Variants in SDK1 observed in about 807,000 individuals in gnomAD.
The protein encoded by SDK1 is sidekick cell adhesion molecule 1.
A neutral mutation model predicts 245.5 loss-of-function variants in SDK1; 157 were observed. That is an observed-to-expected ratio of 0.64 (90% CI 0.56 to 0.73). SDK1 has a LOEUF of 0.73. SDK1 is among the 30% of genes least tolerant of loss of function. The pLI, the probability that SDK1 is intolerant of heterozygous loss-of-function variation, is 0.00. For missense variants in SDK1, 3,583 were observed against 3,002.3 expected (o/e 1.19, Z -4.52); for synonymous variants, 1,647 against 1,278.5 (o/e 1.29, Z -6.15).
chr7:4,013,898 G>A (rs767811264), intron 16 of SDK1, among the ~76,000 whole-genome samples: 8 of 152,336 alleles, frequency 5.3e-5, no homozygotes, highest in Admixed American at 3.9e-4. Context: ...GGTGGGGGCC[G>A]CAGGCTCTGG....
intron 5 of SDK1, among the ~76,000 whole-genome samples, chr7:3,845,437 C>T (rs540230192): frequency 2.7e-5 from 4 of 145,750 alleles, no homozygotes; most frequent in South Asian, 2.2e-4. Context: ...TTGCAGTGAG[C>T]CGAGATCGCG....
intron 44 of SDK1, among the ~76,000 whole-genome samples, chr7:4,247,155 C>G (rs549655875): frequency 6.6e-6 from 1 of 152,276 alleles, no homozygotes; most frequent in African/African-American, 2.4e-5. Context: ...AATATTTAAT[C>G]TAAAATAAGT....
At chr7:3,348,196 G>T (rs945729781) in intron 1 of SDK1, among the ~76,000 whole-genome samples, 6 of 152,170 alleles carry the variant, frequency 3.9e-5, no homozygotes, top group South Asian at 4.1e-4. Flanking sequence ...TTACTGCTTG[G>T]GTTTGATTCT....
intron 5 of SDK1, among the ~76,000 whole-genome samples, chr7:3,902,533 AT>A (rs1363844957): frequency 1.3e-5 from 2 of 151,534 alleles, no homozygotes; most frequent in African/African-American, 4.8e-5. Flanking sequence ...TCTTGCCTTA[AT>A]TTTTTTTTCC....
chr7:3,811,615 C>G (rs570663571), intron 4 of SDK1, among the ~76,000 whole-genome samples: 59 of 152,318 alleles, frequency 3.9e-4, no homozygotes, highest in African/African-American at 1.3e-3. Flanking sequence ...ACCAAAGCCC[C>G]TCTCTGCTGC....
At position 4,237,658 on chromosome 7, in the gene SDK1, G is replaced by A. The variant is rs371310237; in HGVS notation, c.6004G>A (p.Ala2002Thr). The A allele has an allele frequency of 3.0e-4, 491 of 1,614,044 alleles. No individual in the cohort carries two copies. The highest frequency in any genetic ancestry group is 3.8e-4 in the Non-Finnish European group (452 of 1,180,028). Residue 2002 changes from alanine to threonine, a missense_variant, in exon 42 of 45, where the codon GCC becomes ACC. Physicochemically the swap from Ala to Thr is moderately conservative, Grantham distance 58. Transcript: ENST00000404826. ...PSTAVSAQVEAPFYEEWWFLL... is the reference protein window; with the variant it reads ...PSTAVSAQVETPFYEEWWFLL... ...TGTCTTTTCCACAGCTCAAGTGGAA[G>A]CCCCATTCTACGAGGAGTGGTGGTT...
chr7:4,092,932 A>G (rs190260604), intron 22 of SDK1, among the ~76,000 whole-genome samples: 13 of 152,288 alleles, frequency 8.5e-5, no homozygotes, highest in Non-Finnish European at 1.6e-4. Context: ...CCTTTCATCT[A>G]CTTTTCAATT....
chr7:3,974,690 A>G (rs781346748), intron 13 of SDK1, 145 bp downstream of exon 13: 5 of 637,186 alleles, frequency 7.8e-6, no homozygotes, highest in Non-Finnish European at 1.3e-5. Context: ...CTGCATAACT[A>G]CATATATGGA....
At chr7:3,659,384 A>G (rs1297616520) in intron 4 of SDK1, among the ~76,000 whole-genome samples, 1 of 152,224 alleles carries the variant, frequency 6.6e-6, no homozygotes, top group Non-Finnish European at 1.5e-5. Flanking sequence ...AGGTGATGAA[A>G]GAAAACCCTG....
chr7:3,615,071 A>G lies in SDK1; in HGVS notation c.299-4009A>G, dbSNP rs190442576. Among the ~76,000 whole-genome samples, 394 of 151,896 alleles carry G rather than the reference A, an allele frequency of 2.6e-3. 20 individuals are homozygous for G. Among genetic ancestry groups the G allele is most frequent in the South Asian group, 0.018 (86 of 4,816 alleles). On this transcript the variant is annotated intron_variant, in intron 1 of 44. Transcript: ENST00000404826. ...ATATTAAAATGATGATGCTCTATCA[A>G]TAGCAAAACCAAATTCAGATTTTTG... is the stretch of plus-strand genomic sequence containing the variant.
At chr7:3,648,594 A>G (rs1209113404) in intron 4 of SDK1, among the ~76,000 whole-genome samples, 4 of 152,226 alleles carry the variant, frequency 2.6e-5, no homozygotes, top group South Asian at 2.1e-4. Context: ...TTTCATTTCA[A>G]TTTCTTCAAG....
intron 5 of SDK1, among the ~76,000 whole-genome samples, chr7:3,893,749 C>T (rs1401848833): frequency 6.6e-6 from 1 of 151,616 alleles, no homozygotes; most frequent in African/African-American, 2.4e-5. Flanking sequence ...GGTCCCACAT[C>T]TGTCTCTTCT....
chr7:3,543,278 C>G (rs180706743), intron 1 of SDK1, among the ~76,000 whole-genome samples: 1 of 152,324 alleles, frequency 6.6e-6, no homozygotes, highest in East Asian at 1.9e-4. Flanking sequence ...AAAAATAGAT[C>G]CCATTCTTCT....
intron 22 of SDK1, among the ~76,000 whole-genome samples, chr7:4,109,463 A>G (rs1171738239): frequency 6.6e-6 from 1 of 152,160 alleles, no homozygotes; most frequent in Non-Finnish European, 1.5e-5. Context: ...CTATCCTGTC[A>G]TTTAAGCCAC....
chr7:3,756,842 G>A (rs965659241), intron 4 of SDK1, among the ~76,000 whole-genome samples: 1 of 152,104 alleles, frequency 6.6e-6, no homozygotes, highest in African/African-American at 2.4e-5. Flanking sequence ...AATCCCACAG[G>A]GGTAAAGGAC....
At chr7:3,451,823 G>C (rs1780524390) in intron 1 of SDK1, among the ~76,000 whole-genome samples, 2 of 152,058 alleles carry the variant, frequency 1.3e-5, no homozygotes, top group South Asian at 4.2e-4. Flanking sequence ...AACTGTACTG[G>C]GCCAATCAAA....
intron 2 of SDK1, among the ~76,000 whole-genome samples, chr7:3,626,117 T>TTTTTTA (rs200903814): frequency 0.03 from 4,499 of 151,780 alleles, 195 homozygotes; most frequent in African/African-American, 0.097. Flanking sequence ...CTATTTTTTT[T>TTTTTTA]TTTTTAGACA....
At chr7:3,988,706 A>T (rs1257744143) in intron 14 of SDK1, among the ~76,000 whole-genome samples, 1 of 152,172 alleles carries the variant, frequency 6.6e-6, no homozygotes, top group Non-Finnish European at 1.5e-5. Flanking sequence ...GTCACCCTTC[A>T]TGATAGATAA....
chr7:3,905,322 A>G (rs1458239712), intron 5 of SDK1, among the ~76,000 whole-genome samples: 1 of 152,186 alleles, frequency 6.6e-6, no homozygotes, highest in African/African-American at 2.4e-5. Flanking sequence ...TTATTTTTGT[A>G]TCACTGGAGG....
Sources: gnomAD v4.1 joint callset for allele counts (sites outside exome capture counted in the v4.1 genomes callset) on GRCh38, gnomAD v4.1.1 for gene constraint, MANE v1.5 for transcripts, NCBI Gene and HGNC (gene_info 2026-07-23, HGNC 2026-07-21) for gene names.